The following WNT2 variants were observed in gnomAD, a reference collection of about 807,000 sequenced individuals.
The protein encoded by WNT2 is Wnt family member 2.
In WNT2, 12 loss-of-function variants were observed where a neutral mutation model predicts 36.9. That is an observed-to-expected ratio of 0.33 (90% CI 0.21 to 0.53). WNT2 has a LOEUF of 0.53. Ranked by LOEUF, WNT2 falls within the 20% of genes least tolerant of loss-of-function variation. WNT2 has a pLI of 0.95. For synonymous variants in WNT2, 163 were observed against 174.6 expected, an observed-to-expected ratio of 0.93 and a Z score of 0.52; for missense variants, 379 against 473.1, an observed-to-expected ratio of 0.80 and a Z score of 1.84.
chr7:117,282,263 A>T (rs4727846), intron 4 of WNT2, among the ~76,000 whole-genome samples: 63,753 of 151,842 alleles, frequency 0.42, 13,613 homozygotes, highest in Middle Eastern at 0.54. Context: ...TCCATTTGTG[A>T]AAATTCATTG....
At chr7:117,308,237 C>T (rs968220624) in intron 3 of WNT2, among the ~76,000 whole-genome samples, 5 of 152,186 alleles carry the variant, frequency 3.3e-5, no homozygotes, top group Non-Finnish European at 7.4e-5. Flanking sequence ...CATTTATTAA[C>T]TTAAGACATT....
chr7:117,287,490 C>T (rs556985119), intron 4 of WNT2, among the ~76,000 whole-genome samples: 1 of 142,256 alleles, frequency 7.0e-6, no homozygotes, highest in Non-Finnish European at 1.5e-5. Context: ...GCCCAGCTAA[C>T]CTCCTTCATT....
At chr7:117,302,471 T>TG (rs202105004) in intron 3 of WNT2, among the ~76,000 whole-genome samples, 420 of 150,796 alleles carry the variant, frequency 2.8e-3, no homozygotes, top group African/African-American at 9.8e-3. Flanking sequence ...AAACCATTGG[T>TG]GGGGGAGTAT....
intron 3 of WNT2, among the ~76,000 whole-genome samples, chr7:117,308,056 G>A (rs1460198837): frequency 6.6e-6 from 1 of 152,166 alleles, no homozygotes; most frequent in Non-Finnish European, 1.5e-5. Flanking sequence ...ATTTTCACCT[G>A]CTGGCTTGAA....
Position 117,294,117 on chromosome 7 carries a change from T to C in WNT2, c.853+3495A>G, listed in dbSNP as rs573997408. Among the ~76,000 whole-genome samples, 7 of 152,314 alleles carry C rather than the reference T, an allele frequency of 4.6e-5. No homozygotes were observed. The South Asian group carries it at 6.2e-4, about 14-fold the overall frequency. ...TCTCACTATGTTACCCAGGCTGAGT[T>C]TGAACTCCTGGCCTCAAGTGATCCT... is the stretch of plus-strand genomic sequence containing the variant. On this transcript the variant is annotated intron_variant, in intron 4 of 4. Coordinates refer to ENST00000265441, the MANE Select transcript of WNT2 (RefSeq NM_003391.3).
chr7:117,315,760 T>C (rs917291587), intron 2 of WNT2, among the ~76,000 whole-genome samples: 1 of 152,208 alleles, frequency 6.6e-6, no homozygotes, highest in African/African-American at 2.4e-5. Flanking sequence ...TTCCACAATA[T>C]AGTTGGGTAC....
intron 4 of WNT2, among the ~76,000 whole-genome samples, chr7:117,297,198 T>A (rs1163703793): frequency 6.6e-6 from 1 of 152,192 alleles, no homozygotes; most frequent in African/African-American, 2.4e-5. Flanking sequence ...AATCCATTTC[T>A]CCAGTTGCTT....
intron 2 of WNT2, among the ~76,000 whole-genome samples, chr7:117,318,086 C>T (rs1795253885): frequency 6.6e-6 from 1 of 152,170 alleles, no homozygotes; most frequent in Admixed American, 6.5e-5. Flanking sequence ...CTTATTCTGA[C>T]TCTCTAAAGT....
At chr7:117,312,189 G>A (rs1203029218) in intron 3 of WNT2, among the ~76,000 whole-genome samples, 1 of 151,954 alleles carries the variant, frequency 6.6e-6, no homozygotes, top group Non-Finnish European at 1.5e-5. Flanking sequence ...TTTGAGACAG[G>A]GTCTCGTGCT....
intron 3 of WNT2, among the ~76,000 whole-genome samples, chr7:117,313,529 A>T (rs1795160932): frequency 1.3e-5 from 2 of 152,244 alleles, no homozygotes; most frequent in South Asian, 4.1e-4. Flanking sequence ...GAGTTGAAAC[A>T]TTCAATATCT....
intron 3 of WNT2, among the ~76,000 whole-genome samples, chr7:117,303,457 A>G (rs1179232163): frequency 6.6e-6 from 1 of 152,160 alleles, no homozygotes; most frequent in Non-Finnish European, 1.5e-5. Context: ...GCCAAATACC[A>G]ATGGATCAAT....
chr7:117,282,976 G>A (rs902839765), intron 4 of WNT2, among the ~76,000 whole-genome samples: 3 of 152,186 alleles, frequency 2.0e-5, no homozygotes, highest in African/African-American at 7.2e-5. Flanking sequence ...GGGGGAGGAT[G>A]AGAAAAGTCA....
chr7:117,289,045 G>A (rs1250236786), intron 4 of WNT2, among the ~76,000 whole-genome samples: 1 of 137,402 alleles, frequency 7.3e-6, no homozygotes, highest in African/African-American at 2.7e-5. Context: ...ATTAGTTCAC[G>A]TTAGACTTTT....
At position 117,305,617 on chromosome 7, in the gene WNT2, T is replaced by C. The variant is rs974968340; in HGVS notation, c.589-7741A>G. Among the ~76,000 whole-genome samples the C allele has an allele frequency of 3.2e-4, 49 of 152,142 alleles. 1 individual carries two copies. Among genetic ancestry groups the C allele is most frequent in the Admixed American group, 3.0e-3 (46 of 15,268 alleles). ...CATTTAGGAACTCTGGTTGTAGAGG[T>C]GGGGCTTGTGGACCAAAAAATATTG... is the stretch of plus-strand genomic sequence containing the variant. On this transcript the variant is annotated intron_variant, in intron 3 of 4. Transcript: ENST00000265441.
chr7:117,302,918 GAA>G (rs1584688484), intron 3 of WNT2, among the ~76,000 whole-genome samples: 1 of 152,166 alleles, frequency 6.6e-6, no homozygotes, highest in East Asian at 1.9e-4. Context: ...TCATGGTCTT[GAA>G]AGAGAGGGGA....
chr7:117,309,145 G>A (rs528112923), intron 3 of WNT2, among the ~76,000 whole-genome samples: 19 of 151,668 alleles, frequency 1.3e-4, no homozygotes, highest in Non-Finnish European at 2.5e-4. Context: ...TTGCACTACC[G>A]CACACTCCAG....
rs1168577207 is a variant in WNT2, at chr7:117,276,192, T to G, written c.*1963A>C. On this transcript the variant is annotated 3_prime_UTR_variant, in exon 5 of 5. Transcript: ENST00000265441. ...CCAAACTAAAGGAAGCTGAGATGTCTCCTAAGATCCTTTCCAATTTGAAAC... is the reference window on the plus strand; with the variant it reads ...CCAAACTAAAGGAAGCTGAGATGTCGCCTAAGATCCTTTCCAATTTGAAAC... Among the ~76,000 whole-genome samples the G allele has an allele frequency of 6.6e-6, 1 of 152,228 alleles. No individual in the cohort carries two copies. The highest frequency in any genetic ancestry group is 1.9e-4 in the East Asian group (1 of 5,188).
intron 4 of WNT2, among the ~76,000 whole-genome samples, chr7:117,283,232 C>T (rs985054706): frequency 5.9e-5 from 9 of 152,164 alleles, no homozygotes; most frequent in African/African-American, 1.2e-4. Context: ...ACTGAAGCCA[C>T]GGGTGTGAAT....
rs539547159 is a variant in WNT2, at chr7:117,278,071, C to T, written c.*84G>A. ...CCACATGCCTTAGGAAATATCCCCC[C>T]AGAAAGAACCCAAAGGTCCAGTGTT... On this transcript the variant is annotated 3_prime_UTR_variant, in exon 5 of 5. Coordinates refer to ENST00000265441, the MANE Select transcript of WNT2 (RefSeq NM_003391.3). The T allele has an allele frequency of 1.4e-6, 2 of 1,480,054 alleles. No homozygotes were observed. The highest frequency in any genetic ancestry group is 2.3e-5 in the East Asian group (1 of 43,834). 91.7% of individuals were successfully genotyped at this position (1,480,054 alleles called of 1,614,324 possible).
Sources: gnomAD v4.1 joint callset for allele counts (sites outside exome capture counted in the v4.1 genomes callset) on GRCh38, gnomAD v4.1.1 for gene constraint, MANE v1.5 for transcripts, NCBI Gene and HGNC (gene_info 2026-07-23, HGNC 2026-07-21) for gene names.